NEK1: variants seen among roughly 807,000 people sequenced by gnomAD.
NEK1 encodes NIMA related kinase 1, also known as serine/threonine-protein kinase Nek1.
Under a neutral mutation model 182.1 loss-of-function variants are expected in NEK1, and 137 were observed. The ratio of observed to expected loss-of-function variants is 0.75; its 90% CI spans 0.65 to 0.87. NEK1 has a LOEUF of 0.87. Among genes scored for constraint, NEK1 ranks in the 40% least tolerant of loss-of-function variants. NEK1 has a pLI of 0.00. For missense variants in NEK1, 1,391 were observed against 1,494.4 expected (o/e 0.93, Z 1.14); for synonymous variants, 513 against 492.2 (o/e 1.04, Z -0.56).
At position 169,428,351 on chromosome 4, in the gene NEK1, G is replaced by GACATATATATAT. The variant is rs71590009; in HGVS notation, c.2886-2118_2886-2117insATATATATATGT. 3.1e-4 allele frequency among the ~76,000 whole-genome samples: 29 copies of GACATATATATAT among 93,246 alleles called. 1 individual carries two copies. In the South Asian group the frequency reaches 9.7e-3, roughly 31 times the overall value. 61.2% of individuals were successfully genotyped at this position (93,246 alleles called of 152,430 possible). A position where few individuals can be genotyped will look rare whatever the true frequency, so the allele number is the denominator to read the frequency against. The stretch of plus-strand genomic sequence containing the variant: ...ACTGATGAATTATAAAAATATATGG[G>GACATATATATAT]ATATATATATATATATATATAATGG... On this transcript the variant is annotated intron_variant, in intron 29 of 35. Coordinates refer to ENST00000507142, the MANE Select transcript of NEK1 (RefSeq NM_001199397.3).
At chr4:169,459,806 A>G (rs894677022) in intron 27 of NEK1, among the ~76,000 whole-genome samples, 14 of 152,346 alleles carry the variant, frequency 9.2e-5, no homozygotes, top group African/African-American at 3.4e-4. Context: ...TATGAGTCCA[A>G]TTACATGACA....
chr4:169,479,328 T>C (rs1246527391), intron 24 of NEK1, 75 bp downstream of exon 24: 11 of 1,467,328 alleles, frequency 7.5e-6, no homozygotes, highest in African/African-American at 1.4e-5. Flanking sequence ...TAGGGATTAA[T>C]GTGATTTCAT....
At chr4:169,456,466 C>A (rs1365187967) in intron 27 of NEK1, among the ~76,000 whole-genome samples, 1 of 151,840 alleles carries the variant, frequency 6.6e-6, no homozygotes, top group Non-Finnish European at 1.5e-5. Context: ...AACCTTTATC[C>A]AGACTAAGAA....
At chr4:169,466,941 G>A (rs1333538831) in intron 26 of NEK1, among the ~76,000 whole-genome samples, 2 of 152,028 alleles carry the variant, frequency 1.3e-5, no homozygotes, top group South Asian at 2.1e-4. Flanking sequence ...GAGATGCCAG[G>A]GTTCACTTAT....
chr4:169,450,552 A>G (rs1741516078), intron 27 of NEK1, among the ~76,000 whole-genome samples: 2 of 152,236 alleles, frequency 1.3e-5, no homozygotes, highest in South Asian at 2.1e-4. Flanking sequence ...AGAATTTTCA[A>G]CCCAGAATTT....
At chr4:169,576,812 T>G in intron 12 of NEK1, 116 bp downstream of exon 12, 1 of 1,026,836 alleles carries the variant, frequency 9.7e-7, no homozygotes, top group Non-Finnish European at 1.4e-6. Context: ...AAGGAGGACA[T>G]TCCTTGGTAA....
Position 169,599,166 on chromosome 4 carries a change from G to A in NEK1, c.246C>T (p.Tyr82=). ...GCTTAAACAGATCCCCTCCCTCACAGTAATCCATTACTATGTAGAGAGAGC... is the reference window on the plus strand; with the variant it reads ...GCTTAAACAGATCCCCTCCCTCACAATAATCCATTACTATGTAGAGAGAGC... ...ENGSLYIVMD[Y]CEGGDLFKRI... is the part of the protein sequence containing the mutation. Residue 82 remains tyrosine, a synonymous_variant, in exon 5 of 36, where the codon TAC becomes TAT. Transcript: ENST00000507142. 1 of 1,613,008 alleles carries A rather than the reference G, an allele frequency of 6.2e-7. No homozygotes were observed. The highest frequency in any genetic ancestry group is 8.5e-7 in the Non-Finnish European group (1 of 1,179,488).
intron 18 of NEK1, among the ~76,000 whole-genome samples, chr4:169,549,647 TC>T (rs1761116380): frequency 6.6e-6 from 1 of 152,128 alleles, no homozygotes; most frequent in Non-Finnish European, 1.5e-5. Flanking sequence ...AGTCTTGAAC[TC>T]CTGACCTCAG....
At chr4:169,452,691 A>G (rs1579768898) in intron 27 of NEK1, among the ~76,000 whole-genome samples, 1 of 152,146 alleles carries the variant, frequency 6.6e-6, no homozygotes. Flanking sequence ...TTTATGACAA[A>G]CCCACAGCCA....
chr4:169,415,244 C>T (rs1387627327), intron 31 of NEK1, among the ~76,000 whole-genome samples: 2 of 152,162 alleles, frequency 1.3e-5, no homozygotes, highest in African/African-American at 4.8e-5. Context: ...CAGTGATCTC[C>T]AAGTGTGATA....
chr4:169,567,909 A>C (rs1487547147), intron 12 of NEK1, among the ~76,000 whole-genome samples: 1 of 152,206 alleles, frequency 6.6e-6, no homozygotes, highest in East Asian at 1.9e-4. Context: ...TTATTAACTG[A>C]AATCTGAAAA....
At chr4:169,508,710 A>G in intron 20 of NEK1, 59 bp downstream of exon 20, 1 of 1,262,850 alleles carries the variant, frequency 7.9e-7, no homozygotes, top group Non-Finnish European at 1.1e-6. Context: ...GCAAGAAAAG[A>G]AGGCAATAAA....
chr4:169,433,722 T>C lies in NEK1; in HGVS notation c.2765-57A>G, dbSNP rs13139925. The C allele has an allele frequency of 0.8, 1,254,016 of 1,562,794 alleles. 509,656 individuals carry two copies. The highest frequency in any genetic ancestry group is 0.86 in the Admixed American group (48,308 of 56,264). On this transcript the variant is annotated intron_variant, in intron 28 of 35. Coordinates refer to ENST00000507142, the MANE Select transcript of NEK1 (RefSeq NM_001199397.3). ...CAAAGCAAAATTTGTCAAGAGAATA[T>C]TGAATAAACTTGCTATAAATTATTG...
chr4:169,556,034 T>C lies in NEK1; in HGVS notation c.1328A>G (p.Tyr443Cys), dbSNP rs751815116. The part of the protein sequence containing the change: ...APSSFSSRGQ[Y>C]EHYHAIFDQM... Reference sequence around the variant, plus strand: ...GTCAAAAATGGCATGGTAATGTTCATACTGTCCTCGAGAAGAAAAAGATGA... The same window carrying C: ...GTCAAAAATGGCATGGTAATGTTCACACTGTCCTCGAGAAGAAAAAGATGA... Residue 443 changes from tyrosine (Y) to cysteine (C), a missense_variant, in exon 17 of 36, where the codon TAT becomes TGT. Transcript: ENST00000507142. The C allele has an allele frequency of 3.7e-5, 60 of 1,613,638 alleles. No homozygotes were observed. Among genetic ancestry groups the C allele is most frequent in the Non-Finnish European group, 4.5e-5 (53 of 1,179,786 alleles).
intron 31 of NEK1, among the ~76,000 whole-genome samples, chr4:169,421,580 G>A (rs1449970854): frequency 6.6e-6 from 1 of 152,034 alleles, no homozygotes; most frequent in African/African-American, 2.4e-5. Flanking sequence ...AAAAGTGTGT[G>A]GCACTTCCCC....
intron 2 of NEK1, among the ~76,000 whole-genome samples, chr4:169,606,450 G>A (rs545380873): frequency 1.5e-4 from 23 of 151,940 alleles, no homozygotes; most frequent in Non-Finnish European, 2.9e-4. Flanking sequence ...GCCAGCAGTG[G>A]GAAATAAGTC....
intron 35 of NEK1, among the ~76,000 whole-genome samples, chr4:169,395,302 G>A (rs887434622): frequency 6.6e-6 from 1 of 152,092 alleles, no homozygotes; most frequent in Admixed American, 6.5e-5. Context: ...GCTCCTTAAC[G>A]TGGATTACAA....
At chr4:169,500,016 G>A (rs1355192220) in intron 23 of NEK1, among the ~76,000 whole-genome samples, 2 of 152,224 alleles carry the variant, frequency 1.3e-5, no homozygotes, top group East Asian at 3.8e-4. Flanking sequence ...TACAGAGGCA[G>A]GCAGGCCTCC....
intron 12 of NEK1, 172 bp downstream of exon 12, chr4:169,576,756 T>G (rs1765744054): frequency 1.8e-6 from 1 of 548,128 alleles, no homozygotes. Flanking sequence ...TGACTTTTTA[T>G]GACTCCTGTA....
Sources: allele counts gnomAD v4.1 joint callset (sites outside exome capture counted in the v4.1 genomes callset), GRCh38; gene constraint gnomAD v4.1.1; transcripts MANE v1.5; gene names NCBI Gene and HGNC (gene_info 2026-07-23, HGNC 2026-07-21).